NRG2: variants seen among roughly 807,000 people sequenced by gnomAD.
NRG2 encodes neuregulin 2.
A neutral mutation model predicts 73.9 loss-of-function variants in NRG2; 27 were observed. The observed-to-expected ratio is 0.37, with a 90% CI of 0.27 to 0.50. NRG2 has a LOEUF of 0.50. Among genes scored for constraint, NRG2 ranks in the 20% least tolerant of loss-of-function variants. NRG2 has a pLI of 0.96. For missense variants in NRG2, 1,126 were observed against 1,210.1 expected (o/e 0.93, Z 1.03); for synonymous variants, 532 against 541.0 (o/e 0.98, Z 0.23).
At position 140,043,110 on chromosome 5, in the gene NRG2, C is replaced by A; in HGVS notation, c.-41G>T. On this transcript the variant is annotated 5_prime_UTR_variant, in exon 1 of 10. Transcript: ENST00000361474. The surrounding 1 kb of genome is among the most constrained non-coding windows in gnomAD (Gnocchi z 6.7). ...GGGGGGCTCCGCCGCTCAGCCGCCGCCGCCTTGGGAGGGGAAACAGAGCCC... is the reference window on the plus strand; with the variant it reads ...GGGGGGCTCCGCCGCTCAGCCGCCGACGCCTTGGGAGGGGAAACAGAGCCC... The A allele has an allele frequency of 6.4e-7, 1 of 1,566,840 alleles. No individual in the cohort carries two copies.
chr5:139,898,510 A>T (rs553198750), intron 1 of NRG2, among the ~76,000 whole-genome samples: 1 of 152,348 alleles, frequency 6.6e-6, no homozygotes, highest in African/African-American at 2.4e-5. Flanking sequence ...CAGAAGTCAC[A>T]GCCCGTTTGC....
At chr5:139,961,953 C>G (rs1561711504) in intron 1 of NRG2, among the ~76,000 whole-genome samples, 1 of 152,210 alleles carries the variant, frequency 6.6e-6, no homozygotes, top group Non-Finnish European at 1.5e-5. Flanking sequence ...AAATGCCCCC[C>G]AGCCTCCCAA....
At chr5:140,009,534 G>A (rs776786608) in intron 1 of NRG2, among the ~76,000 whole-genome samples, 44 of 152,132 alleles carry the variant, frequency 2.9e-4, no homozygotes, top group Non-Finnish European at 4.6e-4. Flanking sequence ...GAAATTGCTC[G>A]ATCTTACGGT....
chr5:139,871,917 C>G lies in NRG2; in HGVS notation c.992-76G>C, dbSNP rs550294289. The G allele has an allele frequency of 6.4e-6, 10 of 1,555,260 alleles. No homozygotes were observed. The East Asian group carries it at 2.3e-4, about 35-fold the overall frequency. On this transcript the variant is annotated intron_variant, in intron 3 of 9. Transcript: ENST00000361474. ...CCCCAGGAATCATCTCCTTCATGCC[C>G]CACGTCAAAACTGGAAGATGACCAG...
chr5:139,982,477 A>C (rs1329216915), intron 1 of NRG2, among the ~76,000 whole-genome samples: 2 of 151,422 alleles, frequency 1.3e-5, no homozygotes, highest in Non-Finnish European at 2.9e-5. Context: ...CTCCTACAGC[A>C]CTCTTGGCCT....
Position 139,852,856 on chromosome 5 carries a change from T to G in NRG2, c.1416+48A>C. ...ATCCTTGCAGGGGGCATGAGAAGGC[T>G]GGCTGTCCACTGAGGGCTCAGAAGG... On this transcript the variant is annotated intron_variant, in intron 7 of 9. Coordinates refer to ENST00000361474, the MANE Select transcript of NRG2 (RefSeq NM_004883.3). The surrounding 1 kb of genome is among the most constrained non-coding windows in gnomAD (Gnocchi z 4.4). The G allele has an allele frequency of 6.2e-7, 1 of 1,610,238 alleles. No individual in the cohort carries two copies. The highest frequency in any genetic ancestry group is 8.5e-7 in the Non-Finnish European group (1 of 1,179,128).
At chr5:140,029,463 T>C (rs1184121468) in intron 1 of NRG2, among the ~76,000 whole-genome samples, 4 of 152,142 alleles carry the variant, frequency 2.6e-5, no homozygotes, top group Non-Finnish European at 1.5e-5. Flanking sequence ...ATAAGGTAGG[T>C]ATTACTGTGA....
intron 1 of NRG2, among the ~76,000 whole-genome samples, chr5:139,935,951 T>C (rs1331914641): frequency 1.5e-5 from 2 of 136,554 alleles, no homozygotes; most frequent in Non-Finnish European, 3.1e-5. Flanking sequence ...AGAGCAAGAC[T>C]CTGTCTTAAA....
chr5:139,913,210 C>T (rs918007002), intron 1 of NRG2, among the ~76,000 whole-genome samples: 1 of 152,170 alleles, frequency 6.6e-6, no homozygotes, highest in Non-Finnish European at 1.5e-5. Flanking sequence ...TAATCAGCAC[C>T]CTGCTCATCA....
chr5:139,924,451 T>G (rs1284758002), intron 1 of NRG2, among the ~76,000 whole-genome samples: 1 of 152,252 alleles, frequency 6.6e-6, no homozygotes, highest in South Asian at 2.1e-4. Context: ...TCAACCGGCT[T>G]GTTCTGTTTT....
intron 1 of NRG2, among the ~76,000 whole-genome samples, chr5:140,014,657 C>A (rs1346044322): frequency 6.6e-6 from 1 of 152,166 alleles, no homozygotes. Flanking sequence ...CCCTCTTTCA[C>A]AACTACAATA....
At chr5:139,931,278 CA>C (rs1426624079) in intron 1 of NRG2, among the ~76,000 whole-genome samples, 1 of 152,116 alleles carries the variant, frequency 6.6e-6, no homozygotes, top group Non-Finnish European at 1.5e-5. Flanking sequence ...GTTAGGAATA[CA>C]AAGTACATAA....
At chr5:139,867,805 T>TATGA (rs1395959827) in intron 4 of NRG2, among the ~76,000 whole-genome samples, 432 of 127,106 alleles carry the variant, frequency 3.4e-3, no homozygotes, top group East Asian at 5.9e-3. Context: ...TGTATGAGTG[T>TATGA]GTGTGTGTGT....
chr5:139,941,239 A>G (rs77265165), intron 1 of NRG2, among the ~76,000 whole-genome samples: 10,869 of 152,306 alleles, frequency 0.071, 574 homozygotes, highest in Admixed American at 0.14. Flanking sequence ...CAAAAGGCAA[A>G]AAATCAAACA....
At chr5:139,903,424 A>C (rs540994236) in intron 1 of NRG2, among the ~76,000 whole-genome samples, 2 of 152,354 alleles carry the variant, frequency 1.3e-5, no homozygotes, top group East Asian at 3.9e-4. Context: ...AACACATAAA[A>C]TTAGCACAAA....
At chr5:140,007,111 G>A (rs1379742987) in intron 1 of NRG2, among the ~76,000 whole-genome samples, 1 of 152,068 alleles carries the variant, frequency 6.6e-6, no homozygotes, top group East Asian at 1.9e-4. Flanking sequence ...TAGTGGAGGG[G>A]CCAAGGATGC....
chr5:140,040,028 A>G lies in NRG2; in HGVS notation c.700+2342T>C, dbSNP rs904447520. Among the ~76,000 whole-genome samples the G allele has an allele frequency of 8.5e-5, 13 of 152,220 alleles. No homozygotes were observed. The South Asian group carries it at 1.7e-3, about 19-fold the overall frequency. Reference sequence around the variant, plus strand: ...ATTTTGTTTCCTTATTTAATATAGCATTACCAGTACATGTTTTCTTTAACC... The same window carrying G: ...ATTTTGTTTCCTTATTTAATATAGCGTTACCAGTACATGTTTTCTTTAACC... On this transcript the variant is annotated intron_variant, in intron 1 of 9. Coordinates refer to ENST00000361474, the MANE Select transcript of NRG2 (RefSeq NM_004883.3).
intron 1 of NRG2, among the ~76,000 whole-genome samples, chr5:139,905,220 C>T (rs1765153275): frequency 6.6e-6 from 1 of 152,192 alleles, no homozygotes; most frequent in Non-Finnish European, 1.5e-5. Flanking sequence ...ACTCCCCACC[C>T]CCGCCCCGGT....
chr5:139,890,479 T>C lies in NRG2; in HGVS notation c.701-2968A>G, dbSNP rs1413219372. 3.0e-3 allele frequency among the ~76,000 whole-genome samples: 446 copies of C among 147,814 alleles called. 2 individuals are homozygous for C. Among genetic ancestry groups the C allele is most frequent in the African/African-American group, 0.01 (408 of 39,512 alleles). ...TTTCTTTCTTTCTTTCTTTCTTTTT[T>C]TTTTTTTTTTTGGCACCCAGAGATT... On this transcript the variant is annotated intron_variant, in intron 1 of 9. Coordinates refer to ENST00000361474, the MANE Select transcript of NRG2 (RefSeq NM_004883.3).
Sources: gnomAD v4.1 joint callset for allele counts (sites outside exome capture counted in the v4.1 genomes callset) on GRCh38, gnomAD v4.1.1 for gene constraint, Gnocchi (gnomAD v3.1) non-coding constraint, MANE v1.5 for transcripts, NCBI Gene and HGNC (gene_info 2026-07-23, HGNC 2026-07-21) for gene names.